MAPKAPK3: variants seen among roughly 807,000 people sequenced by gnomAD.
MAPKAPK3 encodes MAPK activated protein kinase 3.
MAPKAPK3 carries 35 observed loss-of-function variants against 49.2 expected under a neutral mutation model. The observed-to-expected ratio is 0.71, with a 90% CI of 0.54 to 0.94. MAPKAPK3 has a LOEUF of 0.94. Ranked by LOEUF, MAPKAPK3 falls within the 40% of genes least tolerant of loss-of-function variation. The pLI, the probability that MAPKAPK3 is intolerant of heterozygous loss-of-function variation, is 0.00. For missense variants in MAPKAPK3, 398 were observed against 493.1 expected (o/e 0.81, Z 1.83); for synonymous variants, 178 against 188.7 (o/e 0.94, Z 0.46).
At chr3:50,622,203 A>G (rs937312113) in intron 2 of MAPKAPK3, among the ~76,000 whole-genome samples, 16 of 152,290 alleles carry the variant, frequency 1.1e-4, no homozygotes, top group African/African-American at 3.9e-4. Context: ...ACAGATGGGA[A>G]ACTAAGCTCT....
chr3:50,619,838 G>A (rs1575995231), intron 2 of MAPKAPK3, among the ~76,000 whole-genome samples: 1 of 152,308 alleles, frequency 6.6e-6, no homozygotes, highest in Non-Finnish European at 1.5e-5. Context: ...CTGACTGCAA[G>A]AACTTCCACA....
At chr3:50,647,770 A>G in intron 10 of MAPKAPK3, 124 bp from the exon 11 acceptor site, 2 of 904,660 alleles carry the variant, frequency 2.2e-6, no homozygotes, top group Non-Finnish European at 3.4e-6. Flanking sequence ...TGCTGGGCAC[A>G]CAGTGGGCAC....
At chr3:50,629,860 A>G (rs1159133171) in intron 2 of MAPKAPK3, among the ~76,000 whole-genome samples, 1 of 152,154 alleles carries the variant, frequency 6.6e-6, no homozygotes. Context: ...AATTTAGTAA[A>G]TTGGAGGAAT....
At chr3:50,636,415 T>C (rs2033042317) in intron 2 of MAPKAPK3, among the ~76,000 whole-genome samples, 2 of 152,224 alleles carry the variant, frequency 1.3e-5, no homozygotes, top group African/African-American at 4.8e-5. Flanking sequence ...TGTATGTGTG[T>C]TTTTGCTTAA....
At chr3:50,645,309 C>T (rs1296099824) in intron 6 of MAPKAPK3, among the ~76,000 whole-genome samples, 1 of 152,162 alleles carries the variant, frequency 6.6e-6, no homozygotes, top group South Asian at 2.1e-4. Flanking sequence ...AATGCAGAGC[C>T]CTGTCCCTGG....
chr3:50,643,237 G>C (rs912632295), intron 5 of MAPKAPK3, among the ~76,000 whole-genome samples: 15 of 152,200 alleles, frequency 9.9e-5, no homozygotes, highest in African/African-American at 3.4e-4. Flanking sequence ...GAAGCCATTT[G>C]CTGAGCCCTG....
At chr3:50,633,020 G>A (rs567708533) in intron 2 of MAPKAPK3, among the ~76,000 whole-genome samples, 1 of 152,140 alleles carries the variant, frequency 6.6e-6, no homozygotes, top group Admixed American at 6.5e-5. Flanking sequence ...AGCTTTGTTC[G>A]ATCTCTAAGA....
intron 2 of MAPKAPK3, among the ~76,000 whole-genome samples, chr3:50,632,165 G>T (rs1360795053): frequency 6.6e-6 from 1 of 152,234 alleles, no homozygotes; most frequent in East Asian, 1.9e-4. Flanking sequence ...GCTGTTGAAG[G>T]TGTTGCCAGA....
chr3:50,627,824 G>GAGGGGCC (rs1308177938), intron 2 of MAPKAPK3, among the ~76,000 whole-genome samples: 1 of 152,172 alleles, frequency 6.6e-6, no homozygotes, highest in Admixed American at 6.5e-5. Context: ...CAGGAGGGGA[G>GAGGGGCC]AGGGGCCAGG....
chr3:50,623,937 C>T (rs1240948221), intron 2 of MAPKAPK3, among the ~76,000 whole-genome samples: 1 of 152,264 alleles, frequency 6.6e-6, no homozygotes, highest in African/African-American at 2.4e-5. Context: ...CTCAGTCCTC[C>T]TCACTGTATG....
rs1433672274 is a variant in MAPKAPK3, at chr3:50,647,201, A to C, written c.994A>C (p.Lys332Gln). The C allele has an allele frequency of 6.3e-7, 1 of 1,585,560 alleles. No individual in the cohort carries two copies. The highest frequency in any genetic ancestry group is 1.2e-5 in the South Asian group (1 of 86,562). ...QEDKDHWDEV[K>Q]EEMTSALATM... ...GGACAAAGACCACTGGGACGAAGTC[A>C]AGGTGGGTGGGCTCTGCCTCAGTCT... is the stretch of plus-strand genomic sequence containing the variant. The change falls in exon 10 of 11, where the codon AAG (lysine) becomes CAG (glutamine). Residue 332 changes from lysine to glutamine, a missense_variant and splice_region_variant. By Grantham distance (53) the Lys-to-Gln change is moderately conservative. Transcript: ENST00000621469.
At position 50,648,095 on chromosome 3, in the gene MAPKAPK3, G is replaced by A. The variant is rs992760609; in HGVS notation, c.*49G>A. On this transcript the variant is annotated 3_prime_UTR_variant, in exon 11 of 11. Transcript: ENST00000621469. ...GGCCTCTCAGCCTGCATAACAGACTGAAATGTGCTCAGGCCCTGGCCAGGA... is the reference window on the plus strand; with the variant it reads ...GGCCTCTCAGCCTGCATAACAGACTAAAATGTGCTCAGGCCCTGGCCAGGA... The A allele has an allele frequency of 3.8e-6, 6 of 1,573,404 alleles. No homozygotes were observed. Among genetic ancestry groups the A allele is most frequent in the Non-Finnish European group, 5.2e-6 (6 of 1,161,292 alleles).
rs1266182170 is a variant in MAPKAPK3 at position 50,642,322 on chromosome 3, G to A, written c.494G>A (p.Arg165Gln). 6.2e-7 allele frequency: 1 copy of A among 1,612,204 alleles called. No individual in the cohort carries two copies. The highest frequency in any genetic ancestry group is 1.1e-5 in the South Asian group (1 of 91,042). The change falls in exon 5 of 11, where the codon CGA becomes CAA. Residue 165 changes from arginine (R) to glutamine (Q), a missense_variant. By Grantham distance (43) the Arg-to-Gln change is conservative. Transcript: ENST00000621469. ...CTGCACAGCCATAACATTGCCCACC[G>A]AGATGTCAAGGTGAGGCTCCAGGAT... ...QFLHSHNIAH[R>Q]DVKPENLLYT...
intron 2 of MAPKAPK3, among the ~76,000 whole-genome samples, chr3:50,626,960 A>G (rs917826234): frequency 1.3e-5 from 2 of 152,108 alleles, no homozygotes; most frequent in African/African-American, 4.8e-5. Context: ...TGGGAGGCTG[A>G]CGCGGGTGGA....
chr3:50,622,596 GA>G (rs1234589476), intron 2 of MAPKAPK3, among the ~76,000 whole-genome samples: 1 of 152,226 alleles, frequency 6.6e-6, no homozygotes, highest in Non-Finnish European at 1.5e-5. Flanking sequence ...CTGAGCTTTG[GA>G]AGGAGCATCA....
upstream of MAPKAPK3, chr3:50,613,911 T>G (rs2032399558): frequency 1.3e-5 from 2 of 152,264 alleles, no homozygotes; most frequent in Admixed American, 1.3e-4. Flanking sequence ...GCTGGTGATC[T>G]GCCGACTCCT....
At chr3:50,645,233 A>T (rs2033263255) in intron 6 of MAPKAPK3, among the ~76,000 whole-genome samples, 1 of 152,162 alleles carries the variant, frequency 6.6e-6, no homozygotes, top group African/African-American at 2.4e-5. Flanking sequence ...GAAATCTTCT[A>T]GCCTACCCAC....
chr3:50,622,575 C>T (rs2032636073), intron 2 of MAPKAPK3, among the ~76,000 whole-genome samples: 1 of 152,226 alleles, frequency 6.6e-6, no homozygotes, highest in African/African-American at 2.4e-5. Flanking sequence ...AATGACCAGG[C>T]TCTGGCCCCT....
At chr3:50,646,304 C>T (rs746338466) in intron 8 of MAPKAPK3, 40 bp downstream of exon 8, 18 of 1,610,344 alleles carry the variant, frequency 1.1e-5, no homozygotes, top group Admixed American at 5.1e-5. Context: ...TCACCTGGCC[C>T]CTGCGGCTTT....
Sources: gnomAD v4.1 joint callset for allele counts (sites outside exome capture counted in the v4.1 genomes callset) on GRCh38, gnomAD v4.1.1 for gene constraint, MANE v1.5 for transcripts, NCBI Gene and HGNC (gene_info 2026-07-23, HGNC 2026-07-21) for gene names.